Variants in HEMK2 observed in about 807,000 individuals in gnomAD.
The protein encoded by HEMK2 is HemK methyltransferase 2, ETF1 glutamine and histone H4 lysine.
the HEMK2 span, among the ~76,000 whole-genome samples, chr21:28,681,926 T>C: frequency 3.9e-5 from 6 of 152,324 alleles, no homozygotes; most frequent in South Asian, 1.2e-3. Context: ...ACTTATATGT[T>C]AGACCTAAAA....
chr21:28,767,499 G>A, the HEMK2 span, among the ~76,000 whole-genome samples: 1 of 151,968 alleles, frequency 6.6e-6, no homozygotes, highest in African/African-American at 2.4e-5. Context: ...GAGAATTCAG[G>A]ACTCCAGTCT....
chr21:28,767,424 TA>T, the HEMK2 span, among the ~76,000 whole-genome samples: 60 of 146,290 alleles, frequency 4.1e-4, no homozygotes, highest in East Asian at 2.2e-3. Context: ...GCATGAGATT[TA>T]AAAAAAAAAA....
the HEMK2 span, among the ~76,000 whole-genome samples, chr21:28,650,529 T>C: frequency 1.3e-5 from 2 of 152,062 alleles, no homozygotes; most frequent in East Asian, 1.9e-4. Flanking sequence ...CAATTAGATA[T>C]AGGAGTTGAG....
At chr21:28,668,034 T>A in the HEMK2 span, among the ~76,000 whole-genome samples, 86,840 of 152,024 alleles carry the variant, frequency 0.57, 28,108 homozygotes, top group African/African-American at 0.87. Flanking sequence ...GAAAATTTAG[T>A]ATCAAGAACA....
the HEMK2 span, among the ~76,000 whole-genome samples, chr21:28,684,529 T>C: frequency 6.6e-6 from 1 of 152,206 alleles, no homozygotes; most frequent in Admixed American, 6.5e-5. Flanking sequence ...AAGGTAATAG[T>C]TCAACCTGAC....
the HEMK2 span, among the ~76,000 whole-genome samples, chr21:28,699,022 T>A: frequency 6.6e-6 from 1 of 152,240 alleles, no homozygotes; most frequent in African/African-American, 2.4e-5. Flanking sequence ...TGTGTTTTTT[T>A]AATCTCTGAA....
chr21:28,640,062 C>A, the HEMK2 span, among the ~76,000 whole-genome samples: 42 of 152,306 alleles, frequency 2.8e-4, no homozygotes, highest in Middle Eastern at 0.01. Flanking sequence ...GAAGAGAAAA[C>A]AAAGTCCAGA....
At chr21:28,670,489 A>G in the HEMK2 span, among the ~76,000 whole-genome samples, 1 of 152,286 alleles carries the variant, frequency 6.6e-6, no homozygotes, top group African/African-American at 2.4e-5. Flanking sequence ...TCTCTATTCA[A>G]TAAAACTACT....
At chr21:28,864,913 T>TATAGATAGATAGATAGATAGATAG in the HEMK2 span, among the ~76,000 whole-genome samples, 6,916 of 144,042 alleles carry the variant, frequency 0.048, 334 homozygotes, top group African/African-American at 0.11. Flanking sequence ...AGATAGATGA[T>TATAGATAGATAGATAGATAGATAG]ATAGATAGAT....
At chr21:28,758,707 C>A in the HEMK2 span, among the ~76,000 whole-genome samples, 1 of 152,100 alleles carries the variant, frequency 6.6e-6, no homozygotes, top group African/African-American at 2.4e-5. Flanking sequence ...GGAACACTTC[C>A]CATGAAACCC....
the HEMK2 span, among the ~76,000 whole-genome samples, chr21:28,846,315 G>C: frequency 6.6e-6 from 1 of 152,156 alleles, no homozygotes; most frequent in African/African-American, 2.4e-5. Flanking sequence ...TATATACCCA[G>C]TAATGGGATT....
the HEMK2 span, among the ~76,000 whole-genome samples, chr21:28,697,805 T>G: frequency 1.0e-5 from 1 of 100,208 alleles, no homozygotes; most frequent in Admixed American, 1.0e-4. Flanking sequence ...AAAAATCTTT[T>G]CTTTAAGAAT....
At chr21:28,831,468 AAAGAAAGAAAGAAAGAAAGAAAG>A in the HEMK2 span, among the ~76,000 whole-genome samples, 1 of 29,244 alleles carries the variant, frequency 3.4e-5, no homozygotes, top group African/African-American at 2.3e-4. Context: ...AGAACGAAAG[AAAGAAAGAAAGAAAGAAAGAAAG>A]AAAGAAAGAA....
chr21:28,824,369 T>C, the HEMK2 span, among the ~76,000 whole-genome samples: 1 of 152,206 alleles, frequency 6.6e-6, no homozygotes, highest in African/African-American at 2.4e-5. Flanking sequence ...TTTCCTCTCA[T>C]ATCTTGCAAA....
At chr21:28,746,551 G>A in the HEMK2 span, among the ~76,000 whole-genome samples, 2 of 152,052 alleles carry the variant, frequency 1.3e-5, no homozygotes, top group Non-Finnish European at 2.9e-5. Context: ...AGTGATAAAT[G>A]TAGCTTATAA....
the HEMK2 span, among the ~76,000 whole-genome samples, chr21:28,857,716 T>C: frequency 1.3e-5 from 2 of 152,208 alleles, no homozygotes; most frequent in Non-Finnish European, 2.9e-5. Context: ...ATTGCAATCC[T>C]GCCAGAACAT....
the HEMK2 span, among the ~76,000 whole-genome samples, chr21:28,583,836 G>C: frequency 6.6e-6 from 1 of 152,172 alleles, no homozygotes; most frequent in African/African-American, 2.4e-5. Flanking sequence ...CAGCTCAGTA[G>C]TCACATTAAC....
At chr21:28,785,068 A>G in the HEMK2 span, among the ~76,000 whole-genome samples, 1 of 152,198 alleles carries the variant, frequency 6.6e-6, no homozygotes. Context: ...AAGAGCTGTA[A>G]CAGTCACCAC....
the HEMK2 span, among the ~76,000 whole-genome samples, chr21:28,769,150 T>C: frequency 6.6e-6 from 1 of 152,116 alleles, no homozygotes; most frequent in Admixed American, 6.5e-5. Flanking sequence ...CTGACTGGTC[T>C]ACTAGCTGAC....
Sources: gnomAD v4.1 joint callset for allele counts (sites outside exome capture counted in the v4.1 genomes callset) on GRCh38, gnomAD v4.1.1 for gene constraint, MANE v1.5 for transcripts, NCBI Gene and HGNC (gene_info 2026-07-23, HGNC 2026-07-21) for gene names.